The following GPR89A variants were observed in gnomAD, a reference collection of about 807,000 sequenced individuals.
The protein encoded by GPR89A is G protein-coupled receptor 89A.
GPR89A carries 16 observed loss-of-function variants against 52.0 expected under a neutral mutation model. The ratio of observed to expected loss-of-function variants is 0.31; its 90% CI spans 0.21 to 0.47. The LOEUF is 0.47. GPR89A is among the 20% of genes least tolerant of loss of function. The pLI is 1.00. For synonymous variants in GPR89A, 55 were observed against 150.9 expected (o/e 0.36, Z 4.66); for missense variants, 135 against 449.4 (o/e 0.30, Z 6.33).
chr1:145,654,822 AGAAGTTCTGGCCTGTATTGCTAGGTTGGG>A (rs1443934686), intron 10 of GPR89A, among the ~76,000 whole-genome samples: 2 of 152,068 alleles, frequency 1.3e-5, no homozygotes, highest in Non-Finnish European at 1.5e-5. Context: ...GCTAGGTTGG[AGAAGTTCTGGCCTGTATTGCTAGGTTGGG>A]GAAGTTCTCC....
At chr1:145,635,804 C>T (rs1454222264) in intron 7 of GPR89A, among the ~76,000 whole-genome samples, 1 of 152,130 alleles carries the variant, frequency 6.6e-6, no homozygotes, top group Non-Finnish European at 1.5e-5. Context: ...AGTAAAAATA[C>T]AAAAATTATC....
intron 5 of GPR89A, among the ~76,000 whole-genome samples, chr1:145,626,858 C>T (rs1303445961): frequency 6.8e-6 from 1 of 147,902 alleles, no homozygotes; most frequent in Non-Finnish European, 1.5e-5. Flanking sequence ...AGGCCGGAGA[C>T]ACAAGAATTG....
intron 10 of GPR89A, among the ~76,000 whole-genome samples, chr1:145,648,798 CT>C (rs1651235586): frequency 1.9e-4 from 2 of 10,328 alleles, no homozygotes; most frequent in South Asian, 3.9e-3. Flanking sequence ...GAAGCATGTT[CT>C]TTTTTTTTTT....
Position 145,646,932 on chromosome 1 carries a change from G to A in GPR89A, c.817-243G>A, listed in dbSNP as rs150471157. 1.9e-3 allele frequency: 1,040 copies of A among 560,366 alleles called. 7 individuals are homozygous for A. The highest frequency in any genetic ancestry group is 0.017 in the African/African-American group (900 of 52,730). 34.7% of individuals were successfully genotyped at this position (560,366 alleles called of 1,614,324 possible). A position where few individuals can be genotyped will look rare whatever the true frequency, so the allele number is the denominator to read the frequency against. Reference sequence around the variant, plus strand: ...ATCTGTAAAATTAAGATAATAGAACGTATCTCATAAGAATTGTTATGAAGA... The same window carrying A: ...ATCTGTAAAATTAAGATAATAGAACATATCTCATAAGAATTGTTATGAAGA... On this transcript the variant is annotated intron_variant, in intron 9 of 13. Coordinates refer to ENST00000313835, the MANE Select transcript of GPR89A (RefSeq NM_001097612.2).
chr1:145,665,794 T>C (rs1217468171), intron 12 of GPR89A, 143 bp downstream of exon 12: 11 of 499,734 alleles, frequency 2.2e-5, no homozygotes, highest in Middle Eastern at 1.1e-3. Context: ...GGAGATCGAG[T>C]CCATCCTAGC....
chr1:145,663,297 A>T (rs1652329843), intron 10 of GPR89A, 32 bp from the exon 11 acceptor site: 1 of 1,608,286 alleles, frequency 6.2e-7, no homozygotes. Context: ...GATTGTTAAG[A>T]TGCTCCAAGG....
At chr1:145,656,660 T>C (rs1331168830) in intron 10 of GPR89A, among the ~76,000 whole-genome samples, 6 of 152,184 alleles carry the variant, frequency 3.9e-5, no homozygotes, top group African/African-American at 1.4e-4. Flanking sequence ...TCCCCATCCT[T>C]CCTTCCTTCT....
chr1:145,632,151 A>C lies in GPR89A; in HGVS notation c.617+407A>C, dbSNP rs587659000. ...TTAATTTTTTAAATTGTAAATTGAC[A>C]AATTATGGTTGTATGTATTTGTGGC... On this transcript the variant is annotated intron_variant, in intron 7 of 13. Transcript: ENST00000313835. 5.3e-4 allele frequency among the ~76,000 whole-genome samples: 81 copies of C among 152,012 alleles called. 1 individual carries two copies. Among genetic ancestry groups the C allele is most frequent in the Non-Finnish European group, 8.8e-4 (60 of 67,978 alleles).
intron 7 of GPR89A, among the ~76,000 whole-genome samples, chr1:145,635,123 A>C: frequency 6.6e-6 from 1 of 152,342 alleles, no homozygotes; most frequent in Middle Eastern, 3.4e-3. Flanking sequence ...ATTAGACATA[A>C]AGGCCAGGAG....
intron 12 of GPR89A, among the ~76,000 whole-genome samples, chr1:145,668,073 T>C (rs1390170698): frequency 6.6e-6 from 1 of 152,208 alleles, no homozygotes; most frequent in Non-Finnish European, 1.5e-5. Flanking sequence ...TGGTTCCATA[T>C]GAACTTTAGA....
chr1:145,609,438 GT>G (rs1648095907), intron 1 of GPR89A, among the ~76,000 whole-genome samples: 1 of 151,984 alleles, frequency 6.6e-6, no homozygotes, highest in South Asian at 2.1e-4. Flanking sequence ...CATAAGTATT[GT>G]TTTTATTGGC....
chr1:145,645,880 C>G (rs1348206427), intron 8 of GPR89A: 4 of 477,368 alleles, frequency 8.4e-6, no homozygotes, highest in African/African-American at 7.8e-5. Flanking sequence ...CAATCTTGAA[C>G]ATTACATTTG....
intron 9 of GPR89A, chr1:145,646,857 C>A (rs1651029590): frequency 1.2e-5 from 4 of 341,348 alleles, no homozygotes; most frequent in South Asian, 5.5e-5. Context: ...TACTCACCAG[C>A]TGTGTGACTT....
intron 1 of GPR89A, among the ~76,000 whole-genome samples, chr1:145,611,931 A>C (rs1318686913): frequency 6.7e-6 from 1 of 150,320 alleles, no homozygotes; most frequent in African/African-American, 2.5e-5. Context: ...ACTTTCTTAC[A>C]CCCTCTTGTT....
Position 145,641,398 on chromosome 1 carries a change from T to C in GPR89A, c.618-2471T>C, listed in dbSNP as rs587629713. ...ACAGGTGCACCCTGAAAGATCCTTG[T>C]AGTGATGGAAATGTCCCGTATTGTG... On this transcript the variant is annotated intron_variant, in intron 7 of 13. Transcript: ENST00000313835. Among the ~76,000 whole-genome samples, 158 of 151,900 alleles carry C rather than the reference T, an allele frequency of 1.0e-3. 2 individuals are homozygous for C. In the East Asian group the frequency reaches 0.029, roughly 28 times the overall value.
intron 1 of GPR89A, among the ~76,000 whole-genome samples, chr1:145,613,848 A>G (rs1648474385): frequency 6.6e-6 from 1 of 151,690 alleles, no homozygotes; most frequent in Non-Finnish European, 1.5e-5. Context: ...ATGCAGTGAC[A>G]TGCTCACAGC....
intron 8 of GPR89A, chr1:145,645,871 A>C (rs1650947498): frequency 6.5e-6 from 3 of 459,806 alleles, no homozygotes; most frequent in Admixed American, 3.4e-5. Context: ...AACTATTTAC[A>C]ATCTTGAACA....
chr1:145,645,763 G>T, intron 8 of GPR89A: 1 of 451,594 alleles, frequency 2.2e-6, no homozygotes, highest in Admixed American at 2.4e-5. Context: ...GTAAATCCTA[G>T]CCTATATTAG....
At chr1:145,620,030 T>C in intron 3 of GPR89A, among the ~76,000 whole-genome samples, 1 of 141,000 alleles carries the variant, frequency 7.1e-6, no homozygotes, top group East Asian at 1.9e-4. Context: ...AATAAATAAA[T>C]AAAAAATAAT....
Sources: gnomAD v4.1 joint callset for allele counts (sites outside exome capture counted in the v4.1 genomes callset) on GRCh38, gnomAD v4.1.1 for gene constraint, MANE v1.5 for transcripts, NCBI Gene and HGNC (gene_info 2026-07-23, HGNC 2026-07-21) for gene names.